The following KIZ variants were observed in gnomAD, a reference collection of about 807,000 sequenced individuals.
KIZ encodes kizuna centrosomal protein.
A neutral mutation model predicts 79.6 loss-of-function variants in KIZ; 68 were observed. The observed-to-expected ratio is 0.85, with a 90% CI of 0.70 to 1.05. The LOEUF (loss-of-function observed/expected upper bound fraction) is 1.05. Among genes scored for constraint, KIZ ranks in the 50% least tolerant of loss-of-function variants. The pLI, the probability that KIZ is intolerant of heterozygous loss-of-function variation, is 0.00. For synonymous variants in KIZ, 280 were observed against 281.8 expected, an observed-to-expected ratio of 0.99 and a Z score of 0.06; for missense variants, 797 against 800.4, an observed-to-expected ratio of 1.00 and a Z score of 0.05.
At chr20:21,188,778 C>G (rs942849010) in intron 6 of KIZ, among the ~76,000 whole-genome samples, 1 of 151,894 alleles carries the variant, frequency 6.6e-6, no homozygotes, top group Non-Finnish European at 1.5e-5. Flanking sequence ...GGGCTCACTG[C>G]AAGCTCTGCC....
intron 6 of KIZ, among the ~76,000 whole-genome samples, chr20:21,169,159 G>T (rs1469592098): frequency 6.6e-6 from 1 of 152,070 alleles, no homozygotes; most frequent in Non-Finnish European, 1.5e-5. Flanking sequence ...CTACAGCATG[G>T]GAGAAAATTT....
At chr20:21,214,283 T>G (rs2036194034) in intron 7 of KIZ, among the ~76,000 whole-genome samples, 1 of 152,114 alleles carries the variant, frequency 6.6e-6, no homozygotes, top group Admixed American at 6.6e-5. Flanking sequence ...CAGAAGAATA[T>G]TTCTGCATTA....
intron 4 of KIZ, among the ~76,000 whole-genome samples, chr20:21,155,415 C>CA (rs11483719): frequency 0.58 from 88,144 of 151,950 alleles, 27,172 homozygotes; most frequent in South Asian, 0.78. Flanking sequence ...AGAAACCAAT[C>CA]AAAAAAGACA....
intron 6 of KIZ, among the ~76,000 whole-genome samples, chr20:21,189,454 A>AAATGC (rs2035022851): frequency 6.6e-6 from 1 of 152,238 alleles, no homozygotes; most frequent in Non-Finnish European, 1.5e-5. Flanking sequence ...GTGGAGGAAC[A>AAATGC]AATGCGTGAT....
At chr20:21,167,706 C>T (rs2034011349) in intron 6 of KIZ, among the ~76,000 whole-genome samples, 1 of 151,674 alleles carries the variant, frequency 6.6e-6, no homozygotes, top group Non-Finnish European at 1.5e-5. Context: ...GGATTACAGG[C>T]ATGTGCCAGC....
intron 6 of KIZ, among the ~76,000 whole-genome samples, chr20:21,174,452 A>G (rs963061465): frequency 3.9e-5 from 6 of 152,168 alleles, no homozygotes; most frequent in Admixed American, 2.6e-4. Context: ...GAGTATCATC[A>G]AAGATAATAT....
chr20:21,144,799 C>A (rs1275348878), intron 3 of KIZ, among the ~76,000 whole-genome samples: 2 of 152,112 alleles, frequency 1.3e-5, no homozygotes, highest in African/African-American at 2.4e-5. Flanking sequence ...ACAGTGCATA[C>A]CTGCCTAATT....
At chr20:21,206,054 G>A (rs760586826) in intron 7 of KIZ, among the ~76,000 whole-genome samples, 1 of 152,098 alleles carries the variant, frequency 6.6e-6, no homozygotes, top group Non-Finnish European at 1.5e-5. Flanking sequence ...TTTTGTGGTT[G>A]GTTGGTTTTT....
intron 1 of KIZ, among the ~76,000 whole-genome samples, chr20:21,130,671 A>T (rs985670330): frequency 1.2e-4 from 18 of 151,936 alleles, no homozygotes; most frequent in African/African-American, 4.1e-4. Context: ...ACTGCAACCC[A>T]TGGGTTGTGT....
rs185395297 is a variant in KIZ, at chr20:21,162,407, A to G, written c.942A>G (p.Lys314=). 76 of 1,613,660 alleles carry G rather than the reference A, an allele frequency of 4.7e-5. No individual in the cohort carries two copies. The East Asian group carries it at 1.6e-3, about 34-fold the overall frequency. Residue 314 remains lysine, a synonymous_variant, in exon 5 of 13, where the codon AAA becomes AAG. Transcript: ENST00000619189. ...LTREHIEVEE[K]RASPPVSPIP... is the part of the protein sequence containing the mutation. ...GGGAACATATTGAAGTTGAGGAAAA[A>G]AGAGCCAGCCCGCCAGTCTCTCCGA...
chr20:21,163,709 T>G (rs780478549), intron 6 of KIZ, among the ~76,000 whole-genome samples: 19 of 152,216 alleles, frequency 1.2e-4, no homozygotes, highest in Non-Finnish European at 2.6e-4. Flanking sequence ...ATAGGAAACA[T>G]TAGAATCTCT....
intron 11 of KIZ, among the ~76,000 whole-genome samples, chr20:21,237,644 T>G (rs1343841704): frequency 1.3e-5 from 2 of 152,166 alleles, no homozygotes; most frequent in African/African-American, 4.8e-5. Context: ...CTTGCCCCAC[T>G]CTTTTACCTG....
At position 21,162,027 on chromosome 20, in the gene KIZ, A is replaced by G; in HGVS notation, c.562A>G (p.Ile188Val). The change falls in exon 5 of 13, where the codon ATT becomes GTT. Residue 188 changes from isoleucine (I) to valine (V), a missense_variant. Transcript: ENST00000619189. ...TCCCCAGCCCACAAAGAACTTTTCA[A>G]TTCCTGACCCACATTCACACCGACA... ...KSPQPTKNFSIPDPHSHRQTA... is the reference protein window; with the variant it reads ...KSPQPTKNFSVPDPHSHRQTA... 1.9e-6 allele frequency: 3 copies of G among 1,613,970 alleles called. No homozygotes were observed. The highest frequency in any genetic ancestry group is 2.2e-5 in the East Asian group (1 of 44,876).
At chr20:21,172,867 AGATGGGAGAGG>A (rs890358045) in intron 6 of KIZ, among the ~76,000 whole-genome samples, 1 of 151,846 alleles carries the variant, frequency 6.6e-6, no homozygotes, top group African/African-American at 2.4e-5. Context: ...TCTGGGAGAG[AGATGGGAGAGG>A]GATGGGATAT....
chr20:21,243,291 G>A (rs776554430), intron 11 of KIZ, among the ~76,000 whole-genome samples: 15 of 142,478 alleles, frequency 1.1e-4, no homozygotes, highest in Admixed American at 7.4e-4. Flanking sequence ...TGATACCTTA[G>A]TGGAGCATGT....
intron 11 of KIZ, among the ~76,000 whole-genome samples, chr20:21,238,073 C>T (rs1447039071): frequency 6.6e-6 from 1 of 152,144 alleles, no homozygotes; most frequent in East Asian, 1.9e-4. Flanking sequence ...TCAGGTGATC[C>T]ACTCTCCTCG....
intron 1 of KIZ, among the ~76,000 whole-genome samples, chr20:21,129,763 A>AT (rs1369535379): frequency 2.6e-5 from 4 of 151,854 alleles, no homozygotes; most frequent in South Asian, 2.1e-4. Flanking sequence ...ATATATATAT[A>AT]TTTTTTAAAG....
intron 4 of KIZ, among the ~76,000 whole-genome samples, chr20:21,156,062 G>A (rs2033367114): frequency 6.6e-6 from 1 of 152,106 alleles, no homozygotes; most frequent in South Asian, 2.1e-4. Flanking sequence ...CAGTACTGGG[G>A]GGTTATAATT....
intron 6 of KIZ, among the ~76,000 whole-genome samples, chr20:21,179,447 T>C (rs1398671598): frequency 6.6e-6 from 1 of 151,906 alleles, no homozygotes; most frequent in African/African-American, 2.4e-5. Context: ...TTTCTGATTT[T>C]ATGTATTTGG....
Sources: allele counts gnomAD v4.1 joint callset (sites outside exome capture counted in the v4.1 genomes callset), GRCh38; gene constraint gnomAD v4.1.1; transcripts MANE v1.5; gene names NCBI Gene and HGNC (gene_info 2026-07-23, HGNC 2026-07-21).